TDP1: variants seen among roughly 807,000 people sequenced by gnomAD.
The protein encoded by TDP1 is tyr-DNA phosphodiesterase 1.
Under a neutral mutation model 81.5 loss-of-function variants are expected in TDP1, and 64 were observed. The observed-to-expected ratio is 0.79, with a 90% CI of 0.64 to 0.97. The LOEUF (loss-of-function observed/expected upper bound fraction) is 0.97, where lower values mean the gene tolerates loss of function less well. Ranked by LOEUF, TDP1 falls within the 50% of genes least tolerant of loss-of-function variation. The pLI is 0.00. For synonymous variants in TDP1, 256 were observed against 264.3 expected (o/e 0.97, Z 0.30); for missense variants, 723 against 743.8 (o/e 0.97, Z 0.33).
At chr14:89,970,075 A>G (rs985291500) in intron 5 of TDP1, among the ~76,000 whole-genome samples, 4 of 151,034 alleles carry the variant, frequency 2.6e-5, no homozygotes, top group Non-Finnish European at 5.9e-5. Context: ...ACGGGGTTTC[A>G]CCGTTTTAGC....
intron 16 of TDP1, among the ~76,000 whole-genome samples, chr14:90,035,461 CA>C (rs754856885): frequency 1.6e-3 from 219 of 135,992 alleles, no homozygotes; most frequent in Admixed American, 1.9e-3. Flanking sequence ...TACCTGCCAC[CA>C]AAAAAAAAAA....
intron 14 of TDP1, among the ~76,000 whole-genome samples, chr14:90,008,796 G>A (rs116573166): frequency 1.2e-3 from 186 of 152,230 alleles, no homozygotes; most frequent in African/African-American, 4.3e-3. Flanking sequence ...CGTGATCATA[G>A]CTCCTGGGCT....
chr14:90,013,427 A>T (rs1721642738), intron 14 of TDP1, among the ~76,000 whole-genome samples: 1 of 152,018 alleles, frequency 6.6e-6, no homozygotes, highest in Non-Finnish European at 1.5e-5. Flanking sequence ...GTCTCACGAG[A>T]TCTGATGGTT....
At chr14:89,976,322 A>C (rs1419822789) in intron 7 of TDP1, among the ~76,000 whole-genome samples, 1 of 151,284 alleles carries the variant, frequency 6.6e-6, no homozygotes, top group Non-Finnish European at 1.5e-5. Context: ...CTGATCTCGA[A>C]CTCCTGGACT....
intron 14 of TDP1, among the ~76,000 whole-genome samples, chr14:90,001,092 T>C (rs969993484): frequency 6.6e-6 from 1 of 152,230 alleles, no homozygotes; most frequent in African/African-American, 2.4e-5. Context: ...TATTGCCTGT[T>C]ATGTCTCTAC....
At chr14:89,973,956 T>C (rs1432300183) in intron 6 of TDP1, among the ~76,000 whole-genome samples, 8 of 152,050 alleles carry the variant, frequency 5.3e-5, no homozygotes, top group Admixed American at 5.2e-4. Flanking sequence ...GTCTGGTAGC[T>C]CTTGTATAAG....
chr14:90,043,283 G>A lies in TDP1; in HGVS notation c.*140G>A, dbSNP rs1212720849. 2.2e-6 allele frequency: 2 copies of A among 928,258 alleles called. No individual in the cohort carries two copies. The highest frequency in any genetic ancestry group is 1.6e-5 in the African/African-American group (1 of 60,990). The allele number at this position is 928,258 out of a possible 1,614,324, so 57.5% of individuals were successfully genotyped here. ...CTTTCCAAAGGTCACTCTTATGAATGGATGTTGGTTATACTTTTAATGGAC... is the reference window on the plus strand; with the variant it reads ...CTTTCCAAAGGTCACTCTTATGAATAGATGTTGGTTATACTTTTAATGGAC... On this transcript the variant is annotated 3_prime_UTR_variant, in exon 17 of 17. Coordinates refer to ENST00000335725, the MANE Select transcript of TDP1 (RefSeq NM_018319.4).
chr14:90,021,161 G>A (rs1034522946), intron 15 of TDP1, among the ~76,000 whole-genome samples: 3 of 151,990 alleles, frequency 2.0e-5, no homozygotes, highest in Non-Finnish European at 4.4e-5. Flanking sequence ...TTCTCACACC[G>A]TGCTCAGGTG....
chr14:90,016,567 T>G (rs1294036106), intron 14 of TDP1, among the ~76,000 whole-genome samples: 1 of 152,248 alleles, frequency 6.6e-6, no homozygotes, highest in African/African-American at 2.4e-5. Context: ...AGTCCCTGCC[T>G]GTGGCTCCAG....
intron 14 of TDP1, among the ~76,000 whole-genome samples, chr14:90,004,014 CT>C (rs2140188382): frequency 6.6e-6 from 1 of 152,216 alleles, no homozygotes; most frequent in Admixed American, 6.5e-5. Context: ...TTGCCTGGCC[CT>C]GTGGCTCTAA....
intron 12 of TDP1, among the ~76,000 whole-genome samples, chr14:89,990,547 CTTTTTTTTTTTT>C (rs34248681): frequency 2.0e-5 from 2 of 102,408 alleles, no homozygotes; most frequent in Non-Finnish European, 3.9e-5. Context: ...TGTATTAGCC[CTTTTTTTTTTTT>C]TTTTTTTTTT....
In TDP1 at chr14:90,043,081, A is replaced by T; in HGVS notation, c.1765A>T (p.Ile589Leu). 6 of 1,614,188 alleles carry T rather than the reference A, an allele frequency of 3.7e-6. No homozygotes were observed. Among genetic ancestry groups the T allele is most frequent in the Non-Finnish European group, 5.1e-6 (6 of 1,180,024 alleles). ...TGTTTTTCCCCCAGATCGGCCATGG[A>T]TATGGAACATTCCTTATGTCAAAGC... is the stretch of plus-strand genomic sequence containing the variant. ...ELYGSKDRPW[I>L]WNIPYVKAPD... Residue 589 changes from isoleucine to leucine, a missense_variant, in exon 17 of 17, where the codon ATA becomes TTA. Physicochemically the swap from Ile to Leu is conservative, Grantham distance 5 (BLOSUM62 2). Transcript: ENST00000335725.
chr14:90,003,143 G>A (rs1212445703), intron 14 of TDP1, among the ~76,000 whole-genome samples: 1 of 152,062 alleles, frequency 6.6e-6, no homozygotes, highest in African/African-American at 2.4e-5. Flanking sequence ...TCACGGTATT[G>A]GCCAGGCTGG....
intron 8 of TDP1, chr14:89,984,249 A>T (rs1407462137): frequency 1.0e-6 from 1 of 985,344 alleles, no homozygotes; most frequent in African/African-American, 1.7e-5. Flanking sequence ...GAGAGGGAGC[A>T]TGGAGGGATG....
At chr14:89,985,013 A>G in intron 9 of TDP1, 119 bp from the exon 10 acceptor site, 1 of 1,333,486 alleles carries the variant, frequency 7.5e-7, no homozygotes, top group Non-Finnish European at 1.0e-6. Context: ...ATTCAAGAAA[A>G]TGGATTGGCT....
intron 8 of TDP1, chr14:89,981,476 C>G (rs1894966989): frequency 2.2e-6 from 1 of 454,718 alleles, no homozygotes; most frequent in Admixed American, 2.4e-5. Context: ...TTTTGTACAT[C>G]TCTGCCTGTG....
At chr14:90,000,582 T>A (rs1596602576) in intron 14 of TDP1, among the ~76,000 whole-genome samples, 1 of 152,034 alleles carries the variant, frequency 6.6e-6, no homozygotes, top group Non-Finnish European at 1.5e-5. Flanking sequence ...ATGGAGTTTC[T>A]CCATGTTGGT....
intron 3 of TDP1, among the ~76,000 whole-genome samples, chr14:89,965,163 A>G (rs1159289877): frequency 6.6e-6 from 1 of 152,182 alleles, no homozygotes; most frequent in East Asian, 1.9e-4. Flanking sequence ...ACCTTCCTTA[A>G]CAATTTTTTT....
chr14:90,021,278 A>G (rs967560343), intron 15 of TDP1, among the ~76,000 whole-genome samples: 2 of 152,214 alleles, frequency 1.3e-5, no homozygotes, highest in African/African-American at 4.8e-5. Flanking sequence ...TCTTTTAGTT[A>G]TAAGATTTCA....
Sources: allele counts gnomAD v4.1 joint callset (sites outside exome capture counted in the v4.1 genomes callset), GRCh38; gene constraint gnomAD v4.1.1; transcripts MANE v1.5; gene names NCBI Gene and HGNC (gene_info 2026-07-23, HGNC 2026-07-21).